The following NLRP2 variants were observed in gnomAD, a reference collection of about 807,000 sequenced individuals.
NLRP2 encodes NLR family pyrin domain containing 2, also known as NACHT, LRR and PYD domains-containing protein 2.
NLRP2 carries 107 observed loss-of-function variants against 97.2 expected under a neutral mutation model. That is an observed-to-expected ratio of 1.10 (90% confidence interval 0.94 to 1.29). The LOEUF is 1.29. NLRP2 is among the 50% of genes most tolerant of loss of function. The pLI, the probability that NLRP2 is intolerant of heterozygous loss-of-function variation, is 0.00. For missense variants in NLRP2, 1,495 were observed against 1,330.3 expected (o/e 1.12, Z -1.93); for synonymous variants, 663 against 551.5 (o/e 1.20, Z -2.83).
Position 54,986,222 on chromosome 19 carries a change from C to T in NLRP2, c.2273C>T (p.Thr758Met), listed in dbSNP as rs200375320. ...GCTCTTCGAGGTCACAAGACTGTAA[C>T]GTATCTGACCCTTCAAGGCAATGAC... ...CLALRGHKTV[T>M]YLTLQGNDQD... The change falls in exon 8 of 13, where the codon ACG (threonine) becomes ATG (methionine). Residue 758 changes from threonine (T) to methionine (M), a missense_variant. Physicochemically the swap from Thr to Met is moderately conservative, Grantham distance 81. Coordinates refer to ENST00000448584, the MANE Select transcript of NLRP2 (RefSeq NM_017852.5). 1.1e-4 allele frequency: 178 copies of T among 1,612,464 alleles called. No individual in the cohort carries two copies. The highest frequency in any genetic ancestry group is 1.4e-4 in the Non-Finnish European group (161 of 1,178,512).
chr19:55,000,425 C>T (rs1235636981), intron 12 of NLRP2, among the ~76,000 whole-genome samples: 13 of 150,276 alleles, frequency 8.7e-5, no homozygotes, highest in South Asian at 2.1e-4. Flanking sequence ...TACAGGCGTC[C>T]GCCACCACGC....
chr19:54,994,854 C>T (rs1380337832), intron 11 of NLRP2, among the ~76,000 whole-genome samples: 1 of 151,508 alleles, frequency 6.6e-6, no homozygotes, highest in East Asian at 2.0e-4. Flanking sequence ...GGTGATCCGC[C>T]CATCTCGGCC....
At position 54,989,654 on chromosome 19, in the gene NLRP2, G is replaced by A. The variant is rs921485429; in HGVS notation, c.2367-368G>A. On this transcript the variant is annotated intron_variant, in intron 8 of 12. Coordinates refer to ENST00000448584, the MANE Select transcript of NLRP2 (RefSeq NM_017852.5). ...CGGGGTATAACACAACCAGTGAGAT[G>A]TAAACCAAAGACGATTCCACGGTTA... 4 of 369,616 alleles carry A rather than the reference G, an allele frequency of 1.1e-5. No individual in the cohort carries two copies. In the East Asian group the frequency reaches 1.9e-4, roughly 18 times the overall value. 22.9% of individuals were successfully genotyped at this position (369,616 alleles called of 1,614,324 possible).
Position 54,994,390 on chromosome 19 carries a change from T to A in NLRP2, c.2830T>A (p.Phe944Ile), listed in dbSNP as rs773633093. The stretch of plus-strand genomic sequence containing the variant: ...TCACATAGGAGTTAAGGGAATGAAG[T>A]TCCTGTGTGAGGCTTTGAGGAAACC... ...LNHIGVKGMKFLCEALRKPLC... is the reference protein window; with the variant it reads ...LNHIGVKGMKILCEALRKPLC... The change falls in exon 11 of 13, where the codon TTC becomes ATC. Residue 944 changes from phenylalanine (F) to isoleucine (I), a missense_variant. Transcript: ENST00000448584. 1.1e-5 allele frequency: 17 copies of A among 1,613,632 alleles called. No individual in the cohort carries two copies. The Middle Eastern group carries it at 5.2e-4, about 50-fold the overall frequency.
chr19:54,999,531 A>C (rs1288219194), intron 12 of NLRP2, among the ~76,000 whole-genome samples: 1 of 152,298 alleles, frequency 6.6e-6, no homozygotes, highest in South Asian at 2.1e-4. Context: ...AGCAGGTATT[A>C]GAGCTATAGC....
rs560515545 is a variant in NLRP2, at chr19:54,970,428, A to T, written c.280+133A>T. On this transcript the variant is annotated intron_variant, in intron 2 of 12. Transcript: ENST00000448584. Reference sequence around the variant, plus strand: ...CCCTTTGGGAGGCTGAGGCGGTTGGACCACCTGAGGGTCAGGAGTTTGAGA... The same window carrying T: ...CCCTTTGGGAGGCTGAGGCGGTTGGTCCACCTGAGGGTCAGGAGTTTGAGA... 4,773 of 993,458 alleles carry T rather than the reference A, an allele frequency of 4.8e-3. 17 individuals are homozygous for T. The highest frequency in any genetic ancestry group is 6.8e-3 in the Non-Finnish European group (4,333 of 641,554). 61.5% of individuals were successfully genotyped at this position (993,458 alleles called of 1,614,324 possible).
At chr19:54,985,694 A>AAG (rs2072019456) in intron 7 of NLRP2, among the ~76,000 whole-genome samples, 3 of 135,684 alleles carry the variant, frequency 2.2e-5, no homozygotes, top group South Asian at 4.2e-4. Context: ...AAAAAAAAAA[A>AAG]AAAAGAAAAA....
intron 4 of NLRP2, 102 bp from the exon 5 acceptor site, chr19:54,981,515 C>CA: frequency 1.1e-5 from 3 of 270,460 alleles, no homozygotes; most frequent in South Asian, 3.1e-5. Context: ...CCGTGCCCCC[C>CA]CTCCCCCCCG....
rs931736367 is a variant in NLRP2 at position 54,966,894 on chromosome 19, C to T, written c.-18+427C>T. Among the ~76,000 whole-genome samples, 7 of 135,130 alleles carry T rather than the reference C, an allele frequency of 5.2e-5. No homozygotes were observed. In the East Asian group the frequency reaches 8.8e-4, roughly 17 times the overall value. The allele number at this position is 135,130 out of a possible 152,430, so 88.7% of individuals were successfully genotyped here. A position where few individuals can be genotyped will look rare whatever the true frequency, so the allele number is the denominator to read the frequency against. ...TCTTACTCTGTTTCCCAGGCTGGAG[C>T]GCTGTGGCAGGATCTCGGCTCACTG... On this transcript the variant is annotated intron_variant, in intron 1 of 12. Transcript: ENST00000448584.
intron 3 of NLRP2, 81 bp downstream of exon 3, chr19:54,974,625 G>A: frequency 9.8e-7 from 1 of 1,018,978 alleles, no homozygotes; most frequent in Non-Finnish European, 1.5e-6. Flanking sequence ...AATGTGCTGA[G>A]CACTAAGAAT....
Position 54,986,227 on chromosome 19 carries a change from C to T in NLRP2, c.2278C>T (p.Leu760=). Residue 760 remains leucine (L), a synonymous_variant, in exon 8 of 13, where the codon CTG becomes TTG. Coordinates refer to ENST00000448584, the MANE Select transcript of NLRP2 (RefSeq NM_017852.5). ...TCGAGGTCACAAGACTGTAACGTAT[C>T]TGACCCTTCAAGGCAATGACCAGGA... The part of the protein sequence containing the change: ...ALRGHKTVTY[L]TLQGNDQDDM... 1 of 1,613,056 alleles carries T rather than the reference C, an allele frequency of 6.2e-7. No individual in the cohort carries two copies. Among genetic ancestry groups the T allele is most frequent in the Non-Finnish European group, 8.5e-7 (1 of 1,179,016 alleles).
At chr19:54,966,955 C>G (rs2070481401) in intron 1 of NLRP2, among the ~76,000 whole-genome samples, 1 of 151,136 alleles carries the variant, frequency 6.6e-6, no homozygotes, top group Non-Finnish European at 1.5e-5. Flanking sequence ...AGTCCTCACG[C>G]CTCAGCCTTT....
chr19:54,986,741 G>A (rs2072117207), intron 8 of NLRP2, among the ~76,000 whole-genome samples: 1 of 151,938 alleles, frequency 6.6e-6, no homozygotes. Context: ...AGTGGAGCTG[G>A]TTTCGCCACA....
intron 2 of NLRP2, among the ~76,000 whole-genome samples, chr19:54,973,622 C>G (rs1428774770): frequency 1.3e-5 from 2 of 152,106 alleles, no homozygotes; most frequent in Non-Finnish European, 2.9e-5. Flanking sequence ...GATCTGCCCA[C>G]CTCAGCCTCC....
At chr19:54,965,382 G>A (rs2070323761), upstream of NLRP2, 2 of 101,994 alleles carry the variant, frequency 2.0e-5, no homozygotes, top group South Asian at 5.1e-4. Context: ...TGGGAGGTGA[G>A]TAGCTCTCCG....
intron 8 of NLRP2, among the ~76,000 whole-genome samples, chr19:54,987,308 T>G (rs571241271): frequency 6.6e-6 from 1 of 152,136 alleles, no homozygotes; most frequent in South Asian, 2.1e-4. Flanking sequence ...TTCAGGAACA[T>G]CAAGTTGCCC....
rs767263664 is a variant in NLRP2 at position 54,983,019 on chromosome 19, G to A, written c.1321G>A (p.Ala441Thr). The A allele has an allele frequency of 1.6e-5, 25 of 1,610,634 alleles. No individual in the cohort carries two copies. Among genetic ancestry groups the A allele is most frequent in the African/African-American group, 6.7e-5 (5 of 74,824 alleles). The change falls in exon 6 of 13, where the codon GCA becomes ACA. Residue 441 changes from alanine to threonine, a missense_variant. Ala to Thr is a moderately conservative substitution (Grantham distance 58). Coordinates refer to ENST00000448584, the MANE Select transcript of NLRP2 (RefSeq NM_017852.5). ...RFLCSRFPQGAQLRGALRTLS... is the reference protein window; with the variant it reads ...RFLCSRFPQGTQLRGALRTLS... The stretch of plus-strand genomic sequence containing the variant: ...CCTCTGCAGCCGGTTCCCGCAGGGC[G>A]CACAGCTGCGGGGCGCGCTGCGGAC...
At chr19:54,984,397 CCCAA>C (rs983623850) in intron 6 of NLRP2, among the ~76,000 whole-genome samples, 1 of 135,990 alleles carries the variant, frequency 7.4e-6, no homozygotes, top group Non-Finnish European at 1.5e-5. Flanking sequence ...GTCTTGAACT[CCCAA>C]AGCACTGAGA....
intron 4 of NLRP2, among the ~76,000 whole-genome samples, chr19:54,979,376 C>G (rs1293984259): frequency 6.6e-6 from 1 of 151,962 alleles, no homozygotes; most frequent in Non-Finnish European, 1.5e-5. Flanking sequence ...GAGTTTTGCC[C>G]TTGTCGCCCA....
Sources: gnomAD v4.1 joint callset for allele counts (sites outside exome capture counted in the v4.1 genomes callset) on GRCh38, gnomAD v4.1.1 for gene constraint, MANE v1.5 for transcripts, NCBI Gene and HGNC (gene_info 2026-07-23, HGNC 2026-07-21) for gene names.